The following SCHIP1 variants were observed in gnomAD, a reference collection of about 807,000 sequenced individuals.
SCHIP1 encodes schwannomin interacting protein 1, also known as schwannomin-interacting protein 1.
Under a neutral mutation model 29.7 loss-of-function variants are expected in SCHIP1, and 8 were observed. The ratio of observed to expected loss-of-function variants is 0.27; its 90% CI spans 0.16 to 0.49. SCHIP1 has a LOEUF of 0.49. SCHIP1 is among the 20% of genes least tolerant of loss of function. The probability of loss-of-function intolerance (pLI) is 0.99; values close to 1 mark genes in which losing one functional copy is unlikely to be tolerated. For synonymous variants in SCHIP1, 76 were observed against 94.9 expected, an observed-to-expected ratio of 0.80 and a Z score of 1.16; for missense variants, 193 against 294.6, an observed-to-expected ratio of 0.66 and a Z score of 2.52.
rs1560099488 is a variant in SCHIP1, at chr3:159,892,208, C to G, written c.683+18C>G. 3 of 1,613,924 alleles carry G rather than the reference C, an allele frequency of 1.9e-6. No homozygotes were observed. The highest frequency in any genetic ancestry group is 2.5e-6 in the Non-Finnish European group (3 of 1,179,894). On this transcript the variant is annotated intron_variant, in intron 6 of 6. Coordinates refer to ENST00000445224, the Ensembl canonical transcript of SCHIP1. ...TTGACCAGGTCAGTGTGGCTTCACTCTTGCCAAAGAAGAAAAGCCCAGGGT... is the reference window on the plus strand; with the variant it reads ...TTGACCAGGTCAGTGTGGCTTCACTGTTGCCAAAGAAGAAAAGCCCAGGGT...
chr3:159,579,954 A>C, the SCHIP1 span, among the ~76,000 whole-genome samples: 1 of 152,344 alleles, frequency 6.6e-6, no homozygotes, highest in South Asian at 2.1e-4. Context: ...TTCTCACCAC[A>C]TACTTCCTAT....
the SCHIP1 span, among the ~76,000 whole-genome samples, chr3:159,610,615 G>A: frequency 1.3e-5 from 2 of 152,132 alleles, no homozygotes; most frequent in East Asian, 3.9e-4. Flanking sequence ...ACCCTTTGGA[G>A]TTTGAAACAA....
At chr3:159,277,629 A>G in the SCHIP1 span, among the ~76,000 whole-genome samples, 1 of 152,198 alleles carries the variant, frequency 6.6e-6, no homozygotes, top group East Asian at 1.9e-4. Context: ...AAATTAAAAA[A>G]TAATATTTAC....
At chr3:159,867,581 G>T (rs1714751185) in intron 2 of SCHIP1, among the ~76,000 whole-genome samples, 1 of 152,092 alleles carries the variant, frequency 6.6e-6, no homozygotes, top group African/African-American at 2.4e-5. Context: ...TCCTCTGCTG[G>T]GTGCCAGCTC....
At chr3:159,799,696 G>A in the SCHIP1 span, among the ~76,000 whole-genome samples, 1 of 152,228 alleles carries the variant, frequency 6.6e-6, no homozygotes, top group African/African-American at 2.4e-5. Context: ...TTGCCATACA[G>A]TCTGGTGGGA....
the SCHIP1 span, among the ~76,000 whole-genome samples, chr3:159,824,922 A>G: frequency 6.6e-6 from 1 of 151,868 alleles, no homozygotes; most frequent in Admixed American, 6.6e-5. Flanking sequence ...TTTTTCTCTC[A>G]CCTAAACCCC....
At chr3:159,441,076 TG>T in the SCHIP1 span, among the ~76,000 whole-genome samples, 2 of 152,202 alleles carry the variant, frequency 1.3e-5, no homozygotes, top group African/African-American at 2.4e-5. Flanking sequence ...CCCAAAAATC[TG>T]TCTTTCCCAT....
At chr3:159,377,848 TAA>T in the SCHIP1 span, among the ~76,000 whole-genome samples, 121 of 152,190 alleles carry the variant, frequency 8.0e-4, no homozygotes, top group African/African-American at 2.7e-3. Context: ...AAAAAGAGTA[TAA>T]GAGAGGAACA....
chr3:159,648,171 C>G, the SCHIP1 span, among the ~76,000 whole-genome samples: 4 of 152,286 alleles, frequency 2.6e-5, no homozygotes, highest in South Asian at 8.3e-4. Context: ...CTCCCAGCCT[C>G]AACTTCCCTT....
chr3:159,397,225 A>T, the SCHIP1 span, among the ~76,000 whole-genome samples: 11 of 151,174 alleles, frequency 7.3e-5, no homozygotes, highest in East Asian at 1.8e-3. Flanking sequence ...CATTCTTCTA[A>T]TTTTTTTTCA....
At chr3:159,491,990 G>C in the SCHIP1 span, among the ~76,000 whole-genome samples, 26 of 152,248 alleles carry the variant, frequency 1.7e-4, 1 homozygote, top group South Asian at 1.7e-3. Flanking sequence ...AGGCAAACAG[G>C]GTCTGGAGTG....
chr3:159,667,072 C>G, the SCHIP1 span, among the ~76,000 whole-genome samples: 3 of 152,170 alleles, frequency 2.0e-5, no homozygotes, highest in East Asian at 5.8e-4. Context: ...GCATCTGTTC[C>G]ACAGTAAGCC....
At chr3:159,827,090 A>G in the SCHIP1 span, among the ~76,000 whole-genome samples, 14 of 152,354 alleles carry the variant, frequency 9.2e-5, no homozygotes, top group East Asian at 2.7e-3. Context: ...AGTAACTCAA[A>G]TGTTTTTGTG....
At chr3:159,523,028 C>T in the SCHIP1 span, among the ~76,000 whole-genome samples, 1 of 152,188 alleles carries the variant, frequency 6.6e-6, no homozygotes, top group South Asian at 2.1e-4. Context: ...TATCTGGCCT[C>T]AACAACTATC....
At chr3:159,839,689 T>TAGGA (rs1744032510), upstream of SCHIP1, among the ~76,000 whole-genome samples, 1 of 123,518 alleles carries the variant, frequency 8.1e-6, no homozygotes, top group Non-Finnish European at 1.6e-5. Context: ...CCTTAGTGGG[T>TAGGA]AGGAAGGATG....
the SCHIP1 span, among the ~76,000 whole-genome samples, chr3:159,637,080 T>A: frequency 6.6e-6 from 1 of 152,236 alleles, no homozygotes. Flanking sequence ...GTTTATTTAA[T>A]GTAAGAACAG....
the SCHIP1 span, among the ~76,000 whole-genome samples, chr3:159,632,259 G>A: frequency 5.9e-5 from 9 of 152,128 alleles, no homozygotes; most frequent in South Asian, 4.1e-4. Flanking sequence ...TTAGCTCTGC[G>A]CTGCAGCCCC....
the SCHIP1 span, among the ~76,000 whole-genome samples, chr3:159,443,479 C>T: frequency 2.6e-5 from 4 of 152,106 alleles, no homozygotes; most frequent in Non-Finnish European, 5.9e-5. Flanking sequence ...CTCTGGCCTC[C>T]ATCCCAGCCA....
At chr3:159,431,120 C>T in the SCHIP1 span, among the ~76,000 whole-genome samples, 58,780 of 151,156 alleles carry the variant, frequency 0.39, 12,399 homozygotes, top group Non-Finnish European at 0.48. Flanking sequence ...TTTAATTCAG[C>T]GAGGAAAAAA....
Sources: gnomAD v4.1 joint callset for allele counts (sites outside exome capture counted in the v4.1 genomes callset) on GRCh38, gnomAD v4.1.1 for gene constraint, MANE v1.5 for transcripts, NCBI Gene and HGNC (gene_info 2026-07-23, HGNC 2026-07-21) for gene names.